RTL4: variants seen among roughly 807,000 people sequenced by gnomAD.
RTL4 encodes retrotransposon Gag-like protein 4.
RTL4 carries 4 observed loss-of-function variants against 5.3 expected under a neutral mutation model. That is an observed-to-expected ratio of 0.75 (90% CI 0.37 to 1.72). The LOEUF (loss-of-function observed/expected upper bound fraction) is 1.72. Among genes scored for constraint, RTL4 ranks in the 40% most tolerant of loss-of-function variants. The pLI, the probability that RTL4 is intolerant of heterozygous loss-of-function variation, is 0.04. For synonymous variants in RTL4, 98 were observed against 87.3 expected (o/e 1.12, Z -0.68); for missense variants, 260 against 227.1 (o/e 1.14, Z -0.93).
chrX:112,275,643 GA>G, the RTL4 span, among the ~76,000 whole-genome samples: 2 of 111,645 alleles, frequency 1.8e-5, no homozygotes, highest in African/African-American at 6.5e-5. Context: ...GTGTTAAAAA[GA>G]AAAAAACCTG....
chrX:112,258,096 G>A, the RTL4 span, among the ~76,000 whole-genome samples: 1 of 109,220 alleles, frequency 9.2e-6, no homozygotes, highest in African/African-American at 3.3e-5. Context: ...TTTCTCTATG[G>A]CTCAGCTTAG....
the RTL4 span, among the ~76,000 whole-genome samples, chrX:112,086,305 A>C: frequency 1.8e-5 from 2 of 112,735 alleles, no homozygotes; most frequent in Non-Finnish European, 3.7e-5. Flanking sequence ...GCTGTAACAA[A>C]TTGAGCAATT....
chrX:112,198,496 G>A, the RTL4 span, among the ~76,000 whole-genome samples: 2,202 of 111,731 alleles, frequency 0.02, 20 homozygotes, highest in African/African-American at 0.047. Context: ...TAACCAGGCC[G>A]CATTCTTTTG....
the RTL4 span, among the ~76,000 whole-genome samples, chrX:112,270,588 A>G: frequency 2.7e-5 from 3 of 111,572 alleles, no homozygotes; most frequent in Admixed American, 9.6e-5. Context: ...AGTTGCTATA[A>G]CTGAATTAGC....
At chrX:112,161,844 C>CCTTCCTTCCTTTCTTTCTTTCTTTCTTT in the RTL4 span, among the ~76,000 whole-genome samples, 22 of 40,065 alleles carry the variant, frequency 5.5e-4, 2 homozygotes, top group African/African-American at 2.5e-3. Flanking sequence ...TTCCTTCCTT[C>CCTTCCTTCCTTTCTTTCTTTCTTTCTTT]CTTTCTTTCT....
the RTL4 span, among the ~76,000 whole-genome samples, chrX:112,328,346 G>C: frequency 0.035 from 3,832 of 110,747 alleles, 166 homozygotes; most frequent in African/African-American, 0.12. Context: ...AAAAAAGGCA[G>C]GGGTTGCAAT....
chrX:112,316,215 A>G, the RTL4 span, among the ~76,000 whole-genome samples: 2 of 112,310 alleles, frequency 1.8e-5, no homozygotes, highest in African/African-American at 6.5e-5. Context: ...TTTATATTAA[A>G]TGACCAATCT....
chrX:112,097,993 T>A, the RTL4 span, among the ~76,000 whole-genome samples: 1 of 111,678 alleles, frequency 9.0e-6, no homozygotes, highest in African/African-American at 3.3e-5. Context: ...AGTTTTAGGG[T>A]ACATGTGCAC....
At chrX:112,297,510 C>T in the RTL4 span, among the ~76,000 whole-genome samples, 9 of 111,087 alleles carry the variant, frequency 8.1e-5, no homozygotes, top group Non-Finnish European at 1.5e-4. Flanking sequence ...TATTACGAGA[C>T]GGCACTAGGG....
the RTL4 span, among the ~76,000 whole-genome samples, chrX:112,370,684 G>C: frequency 8.1e-5 from 9 of 110,998 alleles, no homozygotes; most frequent in African/African-American, 2.6e-4. Context: ...TTCGCACGCT[G>C]AAAGGTTCAT....
At chrX:112,456,368 G>A (rs1457059064) in exon 1 of RTL4, 5 of 307,151 alleles carry the variant, frequency 1.6e-5, no homozygotes, top group Non-Finnish European at 2.9e-5. Context: ...GCTTGGAACT[G>A]TTGGTCCCTT....
At chrX:112,084,154 G>A in the RTL4 span, among the ~76,000 whole-genome samples, 4 of 110,885 alleles carry the variant, frequency 3.6e-5, no homozygotes, top group Non-Finnish European at 7.5e-5. Flanking sequence ...TGCCTAAATG[G>A]CCGAGTGTTT....
the RTL4 span, among the ~76,000 whole-genome samples, chrX:112,284,903 T>G: frequency 9.0e-6 from 1 of 111,689 alleles, no homozygotes; most frequent in Non-Finnish European, 1.9e-5. Context: ...CTTTGTGCAC[T>G]CTCAGATGGA....
chrX:112,190,886 C>T, the RTL4 span, among the ~76,000 whole-genome samples: 1 of 111,754 alleles, frequency 8.9e-6, no homozygotes, highest in Non-Finnish European at 1.9e-5. Context: ...CTCGGTGCTA[C>T]GGCAATAGTA....
chrX:112,142,434 G>A, the RTL4 span, among the ~76,000 whole-genome samples: 1 of 112,081 alleles, frequency 8.9e-6, no homozygotes, highest in African/African-American at 3.2e-5. Context: ...GATTTAATGG[G>A]TTGATTGTTT....
chrX:112,439,951 G>A, the RTL4 span, among the ~76,000 whole-genome samples: 125 of 111,455 alleles, frequency 1.1e-3, no homozygotes, highest in South Asian at 1.1e-3. Context: ...TACCCAGCCC[G>A]AGGCATTCCT....
chrX:112,111,361 C>A, the RTL4 span, among the ~76,000 whole-genome samples: 1 of 111,663 alleles, frequency 9.0e-6, no homozygotes, highest in Admixed American at 9.5e-5. Context: ...CTCTGTCTTT[C>A]CTCTCTGCTG....
At chrX:112,246,814 A>C in the RTL4 span, among the ~76,000 whole-genome samples, 1 of 111,309 alleles carries the variant, frequency 9.0e-6, no homozygotes, top group Non-Finnish European at 1.9e-5. Context: ...TCACGCTGGG[A>C]GCTGCAGACT....
chrX:112,435,987 C>T, the RTL4 span, among the ~76,000 whole-genome samples: 4 of 111,675 alleles, frequency 3.6e-5, no homozygotes, highest in Non-Finnish European at 5.6e-5. Context: ...GAGGCCGAGG[C>T]GGGCAGATCA....
Sources: allele counts gnomAD v4.1 joint callset (sites outside exome capture counted in the v4.1 genomes callset), GRCh38; gene constraint gnomAD v4.1.1; transcripts MANE v1.5; gene names NCBI Gene and HGNC (gene_info 2026-07-23, HGNC 2026-07-21).